SGCE: variants seen among roughly 807,000 people sequenced by gnomAD.
SGCE encodes the protein sarcoglycan epsilon.
SGCE carries 26 observed loss-of-function variants against 57.8 expected under a neutral mutation model. The observed-to-expected ratio is 0.45, with a 90% CI of 0.33 to 0.62. The LOEUF (loss-of-function observed/expected upper bound fraction) is 0.62. SGCE is among the 20% of genes least tolerant of loss of function. The pLI is 0.02. For missense variants in SGCE, 468 were observed against 548.6 expected, an observed-to-expected ratio of 0.85 and a Z score of 1.47; for synonymous variants, 183 against 189.5, an observed-to-expected ratio of 0.97 and a Z score of 0.28.
rs902472115 is a variant in SGCE at position 94,608,831 on chromosome 7, C to G, written c.663-5379G>C. Among the ~76,000 whole-genome samples the G allele has an allele frequency of 2.0e-5, 3 of 152,188 alleles. No individual in the cohort carries two copies. In the East Asian group the frequency reaches 5.8e-4, roughly 29 times the overall value. On this transcript the variant is annotated intron_variant, in intron 5 of 10. Coordinates refer to ENST00000648936, the MANE Select transcript of SGCE (RefSeq NM_003919.3). The stretch of plus-strand genomic sequence containing the variant: ...GGCAATACAATGGAGGAAAGACAGT[C>G]TTTTGAACAAATGGTGTTGAAAAAA...
chr7:94,653,682 C>G (rs1171757472), intron 1 of SGCE, among the ~76,000 whole-genome samples: 1 of 151,776 alleles, frequency 6.6e-6, no homozygotes, highest in Non-Finnish European at 1.5e-5. Flanking sequence ...AAGGTTTTAT[C>G]TAAATTACTT....
intron 9 of SGCE, among the ~76,000 whole-genome samples, chr7:94,596,776 A>G (rs779289820): frequency 6.6e-6 from 1 of 152,128 alleles, no homozygotes; most frequent in Non-Finnish European, 1.5e-5. Flanking sequence ...GATTTGTTTC[A>G]TGTTAGAATT....
chr7:94,645,607 G>A (rs1806946954), intron 1 of SGCE, among the ~76,000 whole-genome samples: 1 of 152,208 alleles, frequency 6.6e-6, no homozygotes, highest in African/African-American at 2.4e-5. Flanking sequence ...CAGAAAGGTA[G>A]TGTTTAACAT....
intron 1 of SGCE, chr7:94,639,359 C>G: frequency 1.3e-6 from 2 of 1,532,642 alleles, no homozygotes; most frequent in Non-Finnish European, 1.7e-6. Flanking sequence ...ATCCCAGCAG[C>G]CATTTTTCTG....
At chr7:94,611,151 A>G (rs758543317) in intron 5 of SGCE, among the ~76,000 whole-genome samples, 23 of 152,226 alleles carry the variant, frequency 1.5e-4, no homozygotes, top group Non-Finnish European at 3.1e-4. Flanking sequence ...CTAGGGATAT[A>G]CTTCAGAAAA....
At chr7:94,589,002 T>C in intron 9 of SGCE, 2 of 455,422 alleles carry the variant, frequency 4.4e-6, no homozygotes, top group South Asian at 4.7e-5. Flanking sequence ...TAGGTGTTAA[T>C]ATTTTTCCCA....
chr7:94,610,938 C>T (rs1482929294), intron 5 of SGCE, among the ~76,000 whole-genome samples: 2 of 152,018 alleles, frequency 1.3e-5, no homozygotes, highest in Non-Finnish European at 2.9e-5. Context: ...GAAATCAAAA[C>T]CACAATGAGA....
At chr7:94,615,314 C>A (rs1460133076) in intron 5 of SGCE, among the ~76,000 whole-genome samples, 17 of 151,814 alleles carry the variant, frequency 1.1e-4, no homozygotes, top group Non-Finnish European at 2.9e-5. Context: ...AGTCGAGATC[C>A]CACCACTGCA....
chr7:94,587,427 T>C (rs1413820555), intron 10 of SGCE: 14 of 1,157,204 alleles, frequency 1.2e-5, no homozygotes, highest in Non-Finnish European at 1.5e-5. Flanking sequence ...AATCAGAAGA[T>C]AGAAATCTTA....
chr7:94,629,840 C>T lies in SGCE; in HGVS notation c.111G>A (p.Val37=). 3.1e-6 allele frequency: 5 copies of T among 1,610,384 alleles called. No homozygotes were observed. The highest frequency in any genetic ancestry group is 4.2e-6 in the Non-Finnish European group (5 of 1,177,344). The change falls in exon 2 of 11, where the codon GTG becomes GTA. Residue 37 remains valine (V), a splice_region_variant and synonymous_variant. Transcript: ENST00000648936. ...PATTGTFLLT[V]YSIFSKVHSD... is the part of the protein sequence containing the mutation. ...AGTGTACCTTGGAGAAAATACTGTA[C>T]ACTGAAAACAAAGAGGAAAGATAAG...
chr7:94,596,087 G>C (rs757074631), intron 9 of SGCE, among the ~76,000 whole-genome samples: 1 of 151,986 alleles, frequency 6.6e-6, no homozygotes, highest in South Asian at 2.1e-4. Flanking sequence ...TTAAAAATAC[G>C]TATGTGTTTA....
chr7:94,596,803 ACTT>A (rs974228420), intron 9 of SGCE, among the ~76,000 whole-genome samples: 9 of 151,972 alleles, frequency 5.9e-5, no homozygotes, highest in African/African-American at 2.2e-4. Context: ...TGTTGCTACT[ACTT>A]TTTTCCAAGT....
At chr7:94,644,466 C>A in intron 1 of SGCE, 1 of 328,396 alleles carries the variant, frequency 3.0e-6, no homozygotes, top group South Asian at 2.5e-5. Flanking sequence ...AATTGAAGAG[C>A]TGTGAATAGT....
intron 1 of SGCE, among the ~76,000 whole-genome samples, chr7:94,647,471 T>C (rs1174913150): frequency 1.3e-5 from 2 of 152,212 alleles, no homozygotes; most frequent in South Asian, 2.1e-4. Flanking sequence ...CAAACTATTC[T>C]GACCCCTCCA....
rs1408796776 is a variant in SGCE, at chr7:94,590,235, C to G, written c.1254-1503G>C. ...GTATTACTCTTATAGTTTAAAAATT[C>G]CCATGAGAAATGTTATTAAAATTTT... On this transcript the variant is annotated intron_variant, in intron 9 of 10. Transcript: ENST00000648936. Among the ~76,000 whole-genome samples the G allele has an allele frequency of 1.2e-4, 18 of 151,966 alleles. 1 individual carries two copies. Among genetic ancestry groups the G allele is most frequent in the Admixed American group, 1.2e-3 (18 of 15,260 alleles).
chr7:94,604,358 G>A (rs1799717440), intron 5 of SGCE, among the ~76,000 whole-genome samples: 1 of 151,784 alleles, frequency 6.6e-6, no homozygotes, highest in African/African-American at 2.4e-5. Flanking sequence ...CTTTGCAGAA[G>A]TTGACTAACT....
rs1415541446 is a variant in SGCE, at chr7:94,629,763, T to A, written c.188A>T (p.Glu63Val). Residue 63 changes from glutamate (E) to valine (V), a missense_variant, in exon 2 of 11, where the codon GAA (glutamate) becomes GTA (valine). Coordinates refer to ENST00000648936, the MANE Select transcript of SGCE (RefSeq NM_003919.3). ...AAATTCCCCCTTAAAATATTCTCTT[T>A]CCAAAACATGAACAAAGAGGACACC... ...SAGVLFVHVLEREYFKGEFPP... is the reference protein window; with the variant it reads ...SAGVLFVHVLVREYFKGEFPP... 1 of 1,611,432 alleles carries A rather than the reference T, an allele frequency of 6.2e-7. No homozygotes were observed. Among genetic ancestry groups the A allele is most frequent in the Non-Finnish European group, 8.5e-7 (1 of 1,178,058 alleles).
intron 5 of SGCE, among the ~76,000 whole-genome samples, chr7:94,615,358 C>A (rs1801723595): frequency 7.1e-6 from 1 of 140,618 alleles, no homozygotes; most frequent in Non-Finnish European, 1.5e-5. Context: ...GACTCTGTCT[C>A]AAAATAAATA....
At chr7:94,632,744 C>A (rs1284316999) in intron 1 of SGCE, among the ~76,000 whole-genome samples, 2 of 152,180 alleles carry the variant, frequency 1.3e-5, no homozygotes, top group Non-Finnish European at 2.9e-5. Flanking sequence ...ACTTGCAAAA[C>A]AAATAGCTCT....
Sources: gnomAD v4.1 joint callset for allele counts (sites outside exome capture counted in the v4.1 genomes callset) on GRCh38, gnomAD v4.1.1 for gene constraint, MANE v1.5 for transcripts, NCBI Gene and HGNC (gene_info 2026-07-23, HGNC 2026-07-21) for gene names.